MYBPC2: variants seen among roughly 807,000 people sequenced by gnomAD.
MYBPC2 encodes myosin binding protein C2.
MYBPC2 carries 122 observed loss-of-function variants against 137.0 expected under a neutral mutation model. The observed-to-expected ratio is 0.89, with a 90% confidence interval of 0.77 to 1.03. The LOEUF (loss-of-function observed/expected upper bound fraction) is 1.03, where lower values mean the gene tolerates loss of function less well. MYBPC2 is among the 50% of genes least tolerant of loss of function. The pLI is 0.00. For missense variants in MYBPC2, 1,500 were observed against 1,534.4 expected (o/e 0.98, Z 0.37); for synonymous variants, 626 against 612.3 (o/e 1.02, Z -0.33).
intron 4 of MYBPC2, 137 bp from the exon 5 acceptor site, chr19:50,436,480 A>C (rs2278998): frequency 0.28 from 224,246 of 800,202 alleles, 32,319 homozygotes; most frequent in East Asian, 0.36. Context: ...AGGTGCTGAG[A>C]CCCCTCTCGG....
In MYBPC2 at chr19:50,432,910, C is replaced by T; in HGVS notation, c.-44C>T. The T allele has an allele frequency of 2.5e-6, 4 of 1,598,616 alleles. No individual in the cohort carries two copies. Among genetic ancestry groups the T allele is most frequent in the East Asian group, 2.3e-5 (1 of 44,312 alleles). On this transcript the variant is annotated 5_prime_UTR_variant, in exon 1 of 28. Coordinates refer to ENST00000357701, the MANE Select transcript of MYBPC2 (RefSeq NM_004533.4). This position sits in a 1 kb window ranked among gnomAD's most constrained non-coding sequence, Gnocchi z 5.5. ...CCCACCTGTCCTCCCTAGGGCCTAG[C>T]GGGACGCGGCTGCGGTCAGAGGAGC...
chr19:50,458,839 C>T, intron 21 of MYBPC2, 79 bp from the exon 22 acceptor site: 1 of 1,595,124 alleles, frequency 6.3e-7, no homozygotes, highest in Non-Finnish European at 8.5e-7. Flanking sequence ...AGGACCTCCC[C>T]AGAGAGCCTT....
At chr19:50,452,365 C>T (rs1028846313) in intron 16 of MYBPC2, among the ~76,000 whole-genome samples, 11 of 152,160 alleles carry the variant, frequency 7.2e-5, no homozygotes, top group Non-Finnish European at 1.3e-4. Flanking sequence ...ATCCATCAAC[C>T]AATTTAGTTA....
In MYBPC2 at chr19:50,454,348, G is replaced by C. The variant is rs759624690; in HGVS notation, c.1993G>C (p.Asp665His). 1.2e-6 allele frequency: 2 copies of C among 1,611,476 alleles called. No individual in the cohort carries two copies. Among genetic ancestry groups the C allele is most frequent in the Non-Finnish European group, 1.7e-6 (2 of 1,178,534 alleles). Residue 665 changes from aspartate to histidine, a missense_variant, in exon 18 of 28, where the codon GAT becomes CAT. Transcript: ENST00000357701. The stretch of plus-strand genomic sequence containing the variant: ...CCTTGTCTGGGAGCCACCAATGTAC[G>C]ATGGGGGGAAGCCAGTCACCGGTGA... ...AILVWEPPMY[D>H]GGKPVTGYLV...
intron 24 of MYBPC2, among the ~76,000 whole-genome samples, chr19:50,460,497 T>C (rs775195609): frequency 1.8e-4 from 28 of 152,168 alleles, no homozygotes; most frequent in Admixed American, 5.9e-4. Flanking sequence ...GGAAGCCCTG[T>C]ACCCAATAGC....
chr19:50,436,743 G>A lies in MYBPC2; in HGVS notation c.463+9G>A, dbSNP rs1171507802. On this transcript the variant is annotated intron_variant, in intron 5 of 27. Coordinates refer to ENST00000357701, the MANE Select transcript of MYBPC2 (RefSeq NM_004533.4). ...CAACATCGATGTGGAGGGTATGCTG[G>A]TGGGGGATGCGGGAGCAAAGGGTTC... is the stretch of plus-strand genomic sequence containing the variant. The A allele has an allele frequency of 2.5e-6, 4 of 1,612,856 alleles. No homozygotes were observed. The highest frequency in any genetic ancestry group is 2.7e-5 in the African/African-American group (2 of 74,914).
chr19:50,459,388 T>G (rs1161523484), intron 23 of MYBPC2, 82 bp downstream of exon 23: 837 of 847,594 alleles, frequency 9.9e-4, no homozygotes, highest in South Asian at 7.1e-3. Flanking sequence ...AGATGAGGGG[T>G]GGGGAAGGAG....
rs1568668217 is a variant in MYBPC2 at position 50,459,017 on chromosome 19, C to G, written c.2595+11C>G. 1 of 1,602,376 alleles carries G rather than the reference C, an allele frequency of 6.2e-7. No individual in the cohort carries two copies. Among genetic ancestry groups the G allele is most frequent in the Non-Finnish European group, 8.5e-7 (1 of 1,175,252 alleles). ...GTCGTCCCCTTCCAGGTCAGGGGAG[C>G]GGGGTCACGGGCCGGGGGTCCGCTC... is the stretch of plus-strand genomic sequence containing the variant. On this transcript the variant is annotated intron_variant, in intron 22 of 27. Coordinates refer to ENST00000357701, the MANE Select transcript of MYBPC2 (RefSeq NM_004533.4).
chr19:50,437,336 T>TC, intron 5 of MYBPC2, 137 bp from the exon 6 acceptor site: 1 of 944,474 alleles, frequency 1.1e-6, no homozygotes, highest in Non-Finnish European at 1.6e-6. Flanking sequence ...TGCCCAGGCC[T>TC]GAGCAAGGTT....
Position 50,458,899 on chromosome 19 carries a change from C to A in MYBPC2, c.2507-19C>A. The A allele has an allele frequency of 6.2e-7, 1 of 1,606,440 alleles. No individual in the cohort carries two copies. The highest frequency in any genetic ancestry group is 8.5e-7 in the Non-Finnish European group (1 of 1,176,814). On this transcript the variant is annotated intron_variant, in intron 21 of 27. Coordinates refer to ENST00000357701, the MANE Select transcript of MYBPC2 (RefSeq NM_004533.4). ...CCCCGGCCCCCCGCTGAGCCCCCTC[C>A]CTGTGTTTGCGCCCTCAGAGCCACC...
At chr19:50,460,803 T>C (rs1343242090) in intron 24 of MYBPC2, among the ~76,000 whole-genome samples, 2 of 150,632 alleles carry the variant, frequency 1.3e-5, no homozygotes, top group Non-Finnish European at 3.0e-5. Flanking sequence ...GCTCAGGTGA[T>C]TCCCCCCCAT....
At chr19:50,464,071 G>A (rs993889307) in intron 26 of MYBPC2, among the ~76,000 whole-genome samples, 1 of 152,148 alleles carries the variant, frequency 6.6e-6, no homozygotes, top group Non-Finnish European at 1.5e-5. Flanking sequence ...GAAGTAATGG[G>A]GGTCAAAGAG....
chr19:50,452,115 C>CAACCCTGTGAAGA, intron 16 of MYBPC2, 112 bp downstream of exon 16: 1 of 1,223,358 alleles, frequency 8.2e-7, no homozygotes, highest in Non-Finnish European at 1.1e-6. Flanking sequence ...TCCTTCTTCA[C>CAACCCTGTGAAGA]AGGGTTGTTT....
intron 8 of MYBPC2, 47 bp downstream of exon 8, chr19:50,441,123 C>A (rs961621031): frequency 1.3e-6 from 2 of 1,498,416 alleles, no homozygotes; most frequent in Non-Finnish European, 8.9e-7. Flanking sequence ...CAAGGGACCC[C>A]TAGCCTTGTG....
chr19:50,456,365 T>C (rs950010623), intron 20 of MYBPC2, among the ~76,000 whole-genome samples: 1 of 113,846 alleles, frequency 8.8e-6, no homozygotes, highest in East Asian at 2.5e-4. Flanking sequence ...TCCATCCATC[T>C]GTCCATCCAT....
At chr19:50,451,255 C>T in intron 14 of MYBPC2, 25 bp from the exon 15 acceptor site, 2 of 1,613,480 alleles carry the variant, frequency 1.2e-6, no homozygotes, top group Non-Finnish European at 1.7e-6. Context: ...TTAGACCTAA[C>T]TGTCCAGTCT....
chr19:50,446,696 T>TA (rs1427923160), intron 12 of MYBPC2, among the ~76,000 whole-genome samples: 6 of 150,846 alleles, frequency 4.0e-5, no homozygotes, highest in African/African-American at 1.5e-4. Context: ...GGCGTGCACC[T>TA]GTAATCACAG....
chr19:50,442,736 A>G (rs1230196385), intron 9 of MYBPC2, among the ~76,000 whole-genome samples: 1 of 151,910 alleles, frequency 6.6e-6, no homozygotes, highest in African/African-American at 2.4e-5. Context: ...TGTTAACAAC[A>G]ACAACAACAA....
At position 50,443,545 on chromosome 19, in the gene MYBPC2, C is replaced by T; in HGVS notation, c.954C>T (p.Cys318=). Residue 318 remains cysteine, a synonymous_variant, in exon 10 of 28, where the codon TGC becomes TGT. Coordinates refer to ENST00000357701, the MANE Select transcript of MYBPC2 (RefSeq NM_004533.4). ...AGCGAATTCTTACCATCAACAAGTGCACGCTGGCGGATGACGCTGCCTATG... is the reference window on the plus strand; with the variant it reads ...AGCGAATTCTTACCATCAACAAGTGTACGCTGGCGGATGACGCTGCCTATG... ...GKKRILTINK[C]TLADDAAYEV... 1 of 1,612,932 alleles carries T rather than the reference C, an allele frequency of 6.2e-7. No individual in the cohort carries two copies. The highest frequency in any genetic ancestry group is 8.5e-7 in the Non-Finnish European group (1 of 1,179,476).
Sources: gnomAD v4.1 joint callset for allele counts (sites outside exome capture counted in the v4.1 genomes callset) on GRCh38, gnomAD v4.1.1 for gene constraint, Gnocchi (gnomAD v3.1) non-coding constraint, MANE v1.5 for transcripts, NCBI Gene and HGNC (gene_info 2026-07-23, HGNC 2026-07-21) for gene names.